Variants in PTPN4 observed in about 807,000 individuals in gnomAD.
The protein encoded by PTPN4 is protein tyrosine phosphatase non-receptor type 4, also known as tyrosine-protein phosphatase non-receptor type 4.
A neutral mutation model predicts 135.5 loss-of-function variants in PTPN4; 49 were observed. The observed-to-expected ratio is 0.36, with a 90% CI of 0.29 to 0.46. The LOEUF is 0.46. PTPN4 is among the 20% of genes least tolerant of loss of function. The pLI is 1.00. For missense variants in PTPN4, 860 were observed against 1,101.0 expected, an observed-to-expected ratio of 0.78 and a Z score of 3.10; for synonymous variants, 333 against 369.9, an observed-to-expected ratio of 0.90 and a Z score of 1.14.
chr2:119,780,442 T>C (rs995249927), intron 1 of PTPN4, among the ~76,000 whole-genome samples: 1 of 152,190 alleles, frequency 6.6e-6, no homozygotes, highest in Non-Finnish European at 1.5e-5. Flanking sequence ...CCCCGCCAAA[T>C]CCATGATTGG....
At chr2:119,841,351 G>A (rs1447563732) in intron 2 of PTPN4, among the ~76,000 whole-genome samples, 1 of 152,120 alleles carries the variant, frequency 6.6e-6, no homozygotes, top group Non-Finnish European at 1.5e-5. Context: ...ATGTGTCTAT[G>A]TGTGTGTATG....
intron 13 of PTPN4, among the ~76,000 whole-genome samples, chr2:119,929,611 A>G (rs931183525): frequency 8.5e-5 from 13 of 152,164 alleles, no homozygotes; most frequent in African/African-American, 2.9e-4. Context: ...CTAGACAGAA[A>G]AGAAGCTTAC....
At chr2:119,873,088 C>A (rs928624452) in intron 3 of PTPN4, among the ~76,000 whole-genome samples, 7 of 152,030 alleles carry the variant, frequency 4.6e-5, no homozygotes, top group Admixed American at 4.6e-4. Flanking sequence ...CTCAGCCTCT[C>A]AGACTGAACC....
chr2:119,938,265 C>G (rs1277165357), intron 15 of PTPN4, among the ~76,000 whole-genome samples: 1 of 151,520 alleles, frequency 6.6e-6, no homozygotes, highest in African/African-American at 2.4e-5. Context: ...GTAGCTGGGA[C>G]TACAGGCGCC....
At chr2:119,782,254 T>A (rs1269708935) in intron 1 of PTPN4, among the ~76,000 whole-genome samples, 1 of 151,890 alleles carries the variant, frequency 6.6e-6, no homozygotes, top group Non-Finnish European at 1.5e-5. Context: ...CCGTCTCTAC[T>A]AAAAATACAA....
chr2:119,808,478 T>A (rs1170867961), intron 1 of PTPN4, among the ~76,000 whole-genome samples: 1 of 152,154 alleles, frequency 6.6e-6, no homozygotes, highest in Non-Finnish European at 1.5e-5. Flanking sequence ...TCACAATTGC[T>A]ACAAAGAGAA....
rs946363031 is a variant in PTPN4, at chr2:119,979,107, T to C, written c.*2037T>C. 6.6e-6 allele frequency: 1 copy of C among 152,122 alleles called. No individual in the cohort carries two copies. The highest frequency in any genetic ancestry group is 6.6e-5 in the Admixed American group (1 of 15,266). 9.4% of individuals were successfully genotyped at this position (152,122 alleles called of 1,614,324 possible). On this transcript the variant is annotated 3_prime_UTR_variant, in exon 27 of 27. Coordinates refer to ENST00000263708, the MANE Select transcript of PTPN4 (RefSeq NM_002830.4). The stretch of plus-strand genomic sequence containing the variant: ...CAGACAAATATAATTTAGGCTGCTA[T>C]ATGACATGATAAATTAAAAACTGAG...
Position 119,823,395 on chromosome 2 carries a change from C to T in PTPN4, c.138+13404C>T, listed in dbSNP as rs537815084. Among the ~76,000 whole-genome samples the T allele has an allele frequency of 7.5e-3, 1,146 of 152,134 alleles. 13 individuals carry two copies. Among genetic ancestry groups the T allele is most frequent in the African/African-American group, 0.025 (1,057 of 41,504 alleles). On this transcript the variant is annotated intron_variant, in intron 2 of 26. Transcript: ENST00000263708. ...GACTCCAGGTGCCCGCCACCACGCC[C>T]GGCTAATTTTTGTATTTTTAGCAGA...
rs1678254066 is a variant in PTPN4, at chr2:119,892,448, GAAGAA to G, written c.675+6570_675+6574del. On this transcript the variant is annotated intron_variant, in intron 9 of 26. Coordinates refer to ENST00000263708, the MANE Select transcript of PTPN4 (RefSeq NM_002830.4). ...TACATCAGATATTGATAGATGCTATGAAGAAAAGTTAAGCTGAGAAAGGGGAATTA... is the reference window on the plus strand; with the variant it reads ...TACATCAGATATTGATAGATGCTATGAAGTTAAGCTGAGAAAGGGGAATTA... 3.9e-5 allele frequency among the ~76,000 whole-genome samples: 6 copies of G among 152,276 alleles called. No homozygotes were observed. In the South Asian group the frequency reaches 1.0e-3, roughly 26 times the overall value.
In PTPN4 at chr2:119,981,526, A is replaced by T. The variant is rs191123879; in HGVS notation, c.*4456A>T. 4.3e-4 allele frequency: 66 copies of T among 152,242 alleles called. 1 individual carries two copies. The highest frequency in any genetic ancestry group is 2.9e-5 in the Non-Finnish European group (2 of 67,962). 9.4% of individuals were successfully genotyped at this position (152,242 alleles called of 1,614,324 possible). A position where few individuals can be genotyped will look rare whatever the true frequency, so the allele number is the denominator to read the frequency against. On this transcript the variant is annotated 3_prime_UTR_variant, in exon 27 of 27. Coordinates refer to ENST00000263708, the MANE Select transcript of PTPN4 (RefSeq NM_002830.4). The stretch of plus-strand genomic sequence containing the variant: ...TGTGATCACAATACAAGTTGTAGCA[A>T]CCATTTTATAAAACTCTTAGAGAAT...
intron 14 of PTPN4, among the ~76,000 whole-genome samples, chr2:119,932,976 C>T (rs2105038194): frequency 6.6e-6 from 1 of 152,282 alleles, no homozygotes; most frequent in East Asian, 1.9e-4. Flanking sequence ...CCAGCTCAAC[C>T]ATGGCTTCAG....
chr2:119,769,362 A>G (rs995276540), intron 1 of PTPN4, among the ~76,000 whole-genome samples: 1 of 152,368 alleles, frequency 6.6e-6, no homozygotes, highest in African/African-American at 2.4e-5. Flanking sequence ...AGCTGCCTGT[A>G]TCAGAATTAT....
intron 2 of PTPN4, among the ~76,000 whole-genome samples, chr2:119,824,711 A>G (rs1441149693): frequency 6.6e-6 from 1 of 152,126 alleles, no homozygotes; most frequent in Non-Finnish European, 1.5e-5. Context: ...TCTTTGAGAT[A>G]GAGTCTCGCT....
At chr2:119,855,966 A>G (rs1294456415) in intron 2 of PTPN4, among the ~76,000 whole-genome samples, 3 of 151,962 alleles carry the variant, frequency 2.0e-5, no homozygotes, top group African/African-American at 7.3e-5. Flanking sequence ...CACCGCACCC[A>G]GCTAATTTTT....
chr2:119,959,256 A>G (rs1456685605), intron 22 of PTPN4, among the ~76,000 whole-genome samples: 1 of 149,114 alleles, frequency 6.7e-6, no homozygotes, highest in African/African-American at 2.4e-5. Context: ...TTTTTTTGGT[A>G]GCAAAACCAC....
At chr2:119,878,502 A>G (rs1182124157) in intron 5 of PTPN4, among the ~76,000 whole-genome samples, 2 of 152,188 alleles carry the variant, frequency 1.3e-5, no homozygotes, top group East Asian at 1.9e-4. Context: ...ATTTTAATGT[A>G]TTGGTTATCA....
chr2:119,872,427 A>G (rs1159852678), intron 3 of PTPN4, among the ~76,000 whole-genome samples: 2 of 152,264 alleles, frequency 1.3e-5, no homozygotes, highest in Admixed American at 6.5e-5. Context: ...TGGATAGAAA[A>G]TGGAATATTT....
At chr2:119,809,089 T>G (rs541074811) in intron 1 of PTPN4, among the ~76,000 whole-genome samples, 43 of 152,102 alleles carry the variant, frequency 2.8e-4, no homozygotes, top group Non-Finnish European at 5.4e-4. Context: ...TTAAGAGTTT[T>G]TTTTTCTCCT....
At chr2:119,855,612 C>G (rs767131472) in intron 2 of PTPN4, among the ~76,000 whole-genome samples, 3 of 152,110 alleles carry the variant, frequency 2.0e-5, no homozygotes, top group Non-Finnish European at 4.4e-5. Context: ...ATCCACCTGA[C>G]AAGTGGAGTT....
Sources: allele counts gnomAD v4.1 joint callset (sites outside exome capture counted in the v4.1 genomes callset), GRCh38; gene constraint gnomAD v4.1.1; transcripts MANE v1.5; gene names NCBI Gene and HGNC (gene_info 2026-07-23, HGNC 2026-07-21).